The following OR51B5 variants were observed in gnomAD, a reference collection of about 807,000 sequenced individuals.
The protein encoded by OR51B5 is olfactory receptor family 51 subfamily B member 5.
For synonymous variants in OR51B5, 186 were observed against 144.8 expected, an observed-to-expected ratio of 1.28 and a Z score of -2.04; for missense variants, 456 against 374.6, an observed-to-expected ratio of 1.22 and a Z score of -1.79.
intron 1 of OR51B5, among the ~76,000 whole-genome samples, chr11:5,405,992 A>G (rs1353736): frequency 0.84 from 127,557 of 152,162 alleles, 53,957 homozygotes; most frequent in Non-Finnish European, 0.89. Flanking sequence ...TTATTTCCTG[A>G]GATGAGAAGA....
chr11:5,410,072 G>A (rs1341034201), intron 1 of OR51B5, among the ~76,000 whole-genome samples: 2 of 152,070 alleles, frequency 1.3e-5, no homozygotes, highest in African/African-American at 4.8e-5. Flanking sequence ...GAAGTTTTCA[G>A]ATAAGCAAAT....
intron 1 of OR51B5, chr11:5,455,625 G>GAAAAAGAGAAAGAGAA (rs1850945198): frequency 6.6e-6 from 1 of 151,576 alleles, no homozygotes; most frequent in African/African-American, 2.4e-5. Context: ...GAGAGAAAGA[G>GAAAAAGAGAAAGAGAA]AGAGAGAGAG....
intron 1 of OR51B5, among the ~76,000 whole-genome samples, chr11:5,482,547 A>T (rs1851439984): frequency 8.4e-6 from 1 of 119,554 alleles, no homozygotes; most frequent in Admixed American, 8.7e-5. Flanking sequence ...AGCAAAAGAA[A>T]CTACCATCAG....
intron 1 of OR51B5, among the ~76,000 whole-genome samples, chr11:5,395,813 C>A (rs775633117): frequency 6.6e-5 from 10 of 152,196 alleles, no homozygotes; most frequent in Admixed American, 4.6e-4. Context: ...TGGCTTCCCA[C>A]TCCAAATACC....
At chr11:5,341,566 T>C (rs1409833372), downstream of OR51B5, among the ~76,000 whole-genome samples, 1 of 152,178 alleles carries the variant, frequency 6.6e-6, no homozygotes, top group East Asian at 1.9e-4. Flanking sequence ...TAAATTGAGT[T>C]ATGGGTCCCT....
intron 1 of OR51B5, among the ~76,000 whole-genome samples, chr11:5,450,759 C>A (rs1258042218): frequency 2.0e-5 from 3 of 152,180 alleles, no homozygotes; most frequent in Non-Finnish European, 4.4e-5. Context: ...ACTTCGAAGA[C>A]CTTGGTAAGA....
intron 1 of OR51B5, among the ~76,000 whole-genome samples, chr11:5,377,577 A>G (rs986342296): frequency 1.3e-5 from 2 of 152,158 alleles, no homozygotes; most frequent in African/African-American, 4.8e-5. Flanking sequence ...GTCTCAGCCC[A>G]AAATCTCCTT....
chr11:5,357,547 G>GTCAACATTAGACAGA (rs368678368), intron 1 of OR51B5, among the ~76,000 whole-genome samples: 4 of 152,112 alleles, frequency 2.6e-5, no homozygotes, highest in African/African-American at 7.2e-5. Flanking sequence ...ACACCCCACT[G>GTCAACATTAGACAGA]TCAACATTAG....
chr11:5,429,581 G>A (rs528492602), intron 1 of OR51B5, among the ~76,000 whole-genome samples: 100 of 152,190 alleles, frequency 6.6e-4, no homozygotes, highest in Middle Eastern at 3.4e-3. Context: ...GAAGATGGTC[G>A]TTCCCACTTG....
intron 1 of OR51B5, among the ~76,000 whole-genome samples, chr11:5,464,365 G>A (rs1240038211): frequency 6.6e-6 from 1 of 152,012 alleles, no homozygotes; most frequent in Non-Finnish European, 1.5e-5. Context: ...GTATACATGT[G>A]CCATGCTGGT....
chr11:5,402,588 T>A, intron 1 of OR51B5: 1 of 466,598 alleles, frequency 2.1e-6, no homozygotes, highest in South Asian at 1.6e-5. Context: ...CTGAGGATGA[T>A]ATGTCAACAT....
Position 5,480,396 on chromosome 11 carries a change from GAGAAA to G in OR51B5, n.84+25168_84+25172del, listed in dbSNP as rs568639593. ...AACTTATAGCACTAAAGGCCCACAA[GAGAAA>G]GCAGGAAAGATCCAAAATTGACACC... On this transcript the variant is annotated intron_variant and non_coding_transcript_variant, in intron 1 of 4. Coordinates refer to the OR51B5 transcript ENST00000415970. Among the ~76,000 whole-genome samples, 9 of 152,046 alleles carry G rather than the reference GAGAAA, an allele frequency of 5.9e-5. 1 individual carries two copies. The East Asian group carries it at 1.5e-3, about 26-fold the overall frequency.
intron 1 of OR51B5, chr11:5,505,522 A>G: frequency 8.2e-7 from 1 of 1,217,152 alleles, no homozygotes. Flanking sequence ...ATGAAGATAT[A>G]CCCGAGACTG....
At chr11:5,493,271 C>T (rs911409996) in intron 1 of OR51B5, among the ~76,000 whole-genome samples, 5 of 152,136 alleles carry the variant, frequency 3.3e-5, no homozygotes, top group Non-Finnish European at 5.9e-5. Context: ...AGACCTCAAG[C>T]TTGAGAAATC....
chr11:5,403,485 A>G (rs1211280740), intron 1 of OR51B5: 2 of 471,648 alleles, frequency 4.2e-6, no homozygotes, highest in African/African-American at 4.0e-5. Flanking sequence ...CTACAGCATT[A>G]AGACCAAGGA....
intron 1 of OR51B5, among the ~76,000 whole-genome samples, chr11:5,375,979 A>G (rs1397774401): frequency 2.0e-5 from 3 of 151,992 alleles, no homozygotes; most frequent in Non-Finnish European, 4.4e-5. Flanking sequence ...CATCTACAGA[A>G]CTCTCCACCC....
intron 1 of OR51B5, among the ~76,000 whole-genome samples, chr11:5,384,349 G>T (rs1206102820): frequency 6.6e-6 from 1 of 152,160 alleles, no homozygotes; most frequent in Non-Finnish European, 1.5e-5. Context: ...CTGGGCCTTA[G>T]ATTTTTCACT....
intron 1 of OR51B5, chr11:5,488,595 A>G (rs1043791402): frequency 1.1e-6 from 1 of 873,104 alleles, no homozygotes; most frequent in Non-Finnish European, 1.8e-6. Flanking sequence ...TTAGTCTAAA[A>G]AAGATTATTT....
At chr11:5,456,184 G>A (rs1258207692) in intron 1 of OR51B5, 1 of 152,144 alleles carries the variant, frequency 6.6e-6, no homozygotes, top group Non-Finnish European at 1.5e-5. Flanking sequence ...TTTGACCATA[G>A]GCCTTACTTA....
Sources: gnomAD v4.1 joint callset for allele counts (sites outside exome capture counted in the v4.1 genomes callset) on GRCh38, gnomAD v4.1.1 for gene constraint, MANE v1.5 for transcripts, NCBI Gene and HGNC (gene_info 2026-07-23, HGNC 2026-07-21) for gene names.